Variants in ADGRB1 observed in about 807,000 individuals in gnomAD.
ADGRB1 encodes brain-specific angiogenesis inhibitor 1.
In ADGRB1, 36 loss-of-function variants were observed where a neutral mutation model predicts 175.7. That is an observed-to-expected ratio of 0.20 (90% CI 0.16 to 0.27). The LOEUF (loss-of-function observed/expected upper bound fraction) is 0.27. ADGRB1 is among the 10% of genes least tolerant of loss of function. ADGRB1 has a pLI of 1.00. For synonymous variants in ADGRB1, 1,054 were observed against 979.4 expected, an observed-to-expected ratio of 1.08 and a Z score of -1.42; for missense variants, 1,731 against 2,255.3, an observed-to-expected ratio of 0.77 and a Z score of 4.71.
Position 142,510,992 on chromosome 8 carries a change from G to T in ADGRB1, c.2736G>T (p.Val912=), listed in dbSNP as rs528274600. Residue 912 remains valine (V), a synonymous_variant, in exon 18 of 31, where the codon GTG becomes GTT. Transcript: ENST00000517894. The surrounding 1 kb of genome is among the most constrained non-coding windows in gnomAD (Gnocchi z 6.3). ...GGTCGTGGCGCGGCTGCCGCACGGT[G>T]CCCCTCGACGCCCTCCGGACGCGCT... The part of the protein sequence containing the change: ...GPWSWRGCRT[V]PLDALRTRCL... The T allele has an allele frequency of 7.5e-7, 1 of 1,324,644 alleles. No homozygotes were observed. The allele number at this position is 1,324,644 out of a possible 1,614,324, so 82.1% of individuals were successfully genotyped here.
At chr8:142,509,904 C>G (rs1842993017) in intron 17 of ADGRB1, among the ~76,000 whole-genome samples, 1 of 152,192 alleles carries the variant, frequency 6.6e-6, no homozygotes, top group African/African-American at 2.4e-5. Context: ...GGGGACTCAG[C>G]CTCAGAGAGG....
At chr8:142,476,775 T>A in intron 4 of ADGRB1, 80 bp downstream of exon 4, 1 of 1,322,788 alleles carries the variant, frequency 7.6e-7, no homozygotes, top group Non-Finnish European at 1.0e-6. Context: ...TAGTTATGGG[T>A]AGTAACTTGA....
At position 142,539,414 on chromosome 8, in the gene ADGRB1, G is replaced by A. The variant is rs1845132436; in HGVS notation, c.3706+1G>A. 1 of 1,600,970 alleles carries A rather than the reference G, an allele frequency of 6.2e-7. No homozygotes were observed. The highest frequency in any genetic ancestry group is 8.5e-7 in the Non-Finnish European group (1 of 1,174,530). ...GACGTGGATCTGGCCTGTAGATCAG[G>A]TGAGCGCCCGACAGGTGAGAGGACA... On this transcript the variant is annotated splice_donor_variant, in intron 27 of 30. Coordinates refer to ENST00000517894, the MANE Select transcript of ADGRB1 (RefSeq NM_001702.3). LOFTEE classifies it high-confidence loss of function.
chr8:142,530,809 C>G (rs56897444), intron 24 of ADGRB1, among the ~76,000 whole-genome samples: 21,390 of 152,220 alleles, frequency 0.14, 1,656 homozygotes, highest in East Asian at 0.29. Flanking sequence ...AGCCTCTCCC[C>G]GCACCCCGGG....
At chr8:142,525,077 C>A (rs931227518) in intron 23 of ADGRB1, among the ~76,000 whole-genome samples, 20 of 152,122 alleles carry the variant, frequency 1.3e-4, no homozygotes, top group Non-Finnish European at 2.5e-4. Context: ...CACACCCCAT[C>A]CTAGTGGGGA....
In ADGRB1 at chr8:142,543,593, G is replaced by T. The variant is rs377355022; in HGVS notation, c.4450-8G>T. ...GCCCAGGACTCACTGCCCAGACCCC[G>T]CCTGCAGAAGATCATGCACACCCGG... On this transcript the variant is annotated splice_polypyrimidine_tract_variant and splice_region_variant and intron_variant, in intron 29 of 30. Transcript: ENST00000517894. The surrounding 1 kb of genome is among the most constrained non-coding windows in gnomAD (Gnocchi z 4.4). 6.4e-7 allele frequency: 1 copy of T among 1,569,688 alleles called. No homozygotes were observed. The highest frequency in any genetic ancestry group is 1.2e-5 in the South Asian group (1 of 85,926).
chr8:142,520,244 ATGG>A (rs1355745027), intron 19 of ADGRB1, among the ~76,000 whole-genome samples: 30 of 87,454 alleles, frequency 3.4e-4, no homozygotes, highest in Admixed American at 2.8e-3. Context: ...GATGATGGTG[ATGG>A]TGGTGGTGAT....
intron 1 of ADGRB1, among the ~76,000 whole-genome samples, chr8:142,454,314 A>T (rs1839531928): frequency 6.6e-6 from 1 of 152,194 alleles, no homozygotes; most frequent in African/African-American, 2.4e-5. Flanking sequence ...GCAGACACCC[A>T]GAGCAGGCAC....
rs374658274 is a variant in ADGRB1 at position 142,489,008 on chromosome 8, C to T, written c.2453-27C>T. The T allele has an allele frequency of 7.7e-5, 123 of 1,606,776 alleles. 2 individuals are homozygous for T. The African/African-American group carries it at 1.0e-3, about 14-fold the overall frequency. On this transcript the variant is annotated intron_variant, in intron 14 of 30. Coordinates refer to ENST00000517894, the MANE Select transcript of ADGRB1 (RefSeq NM_001702.3). ...CACCCTGGCTGTGGGGATGGCGGGC[C>T]GGGGTTGACAGTGCACTTTCTTCCA...
At chr8:142,481,810 C>G (rs752428612) in intron 11 of ADGRB1, 99 bp downstream of exon 11, 17 of 1,073,984 alleles carry the variant, frequency 1.6e-5, no homozygotes, top group Admixed American at 2.9e-5. Context: ...GGCCACAGCC[C>G]AGGCCCTAAC....
chr8:142,543,296 G>T lies in ADGRB1; in HGVS notation c.4414-107G>T. 2 of 1,456,244 alleles carry T rather than the reference G, an allele frequency of 1.4e-6. No homozygotes were observed. The highest frequency in any genetic ancestry group is 2.5e-5 in the South Asian group (2 of 81,248). The allele number at this position is 1,456,244 out of a possible 1,614,324, so 90.2% of individuals were successfully genotyped here. A position where few individuals can be genotyped will look rare whatever the true frequency, so the allele number is the denominator to read the frequency against. ...CCTGGGTCTGGCCTGGTCCCTGAAG[G>T]CAGGCATGGGGCGAGTGAGTCCCTG... On this transcript the variant is annotated intron_variant, in intron 28 of 30. Transcript: ENST00000517894. The surrounding 1 kb of genome is among the most constrained non-coding windows in gnomAD (Gnocchi z 4.4).
chr8:142,469,082 C>T (rs1356874496), intron 2 of ADGRB1, among the ~76,000 whole-genome samples: 3 of 152,256 alleles, frequency 2.0e-5, no homozygotes, highest in Non-Finnish European at 1.5e-5. Flanking sequence ...ACGCTGCCAT[C>T]GAGTGGTAAC....
intron 24 of ADGRB1, among the ~76,000 whole-genome samples, chr8:142,528,752 G>T (rs910824607): frequency 6.6e-6 from 1 of 152,112 alleles, no homozygotes; most frequent in East Asian, 1.9e-4. Flanking sequence ...CTTTTCTACC[G>T]TCCACTCTGG....
At chr8:142,536,505 T>A (rs1025637865) in intron 25 of ADGRB1, among the ~76,000 whole-genome samples, 2 of 152,134 alleles carry the variant, frequency 1.3e-5, no homozygotes, top group African/African-American at 2.4e-5. Context: ...GACAGAGTGC[T>A]GTTCCCAGTG....
At chr8:142,486,064 T>C (rs1841652983) in intron 13 of ADGRB1, among the ~76,000 whole-genome samples, 2 of 152,286 alleles carry the variant, frequency 1.3e-5, no homozygotes, top group South Asian at 4.1e-4. Context: ...GGGGATTCAA[T>C]TTCCAACACG....
intron 15 of ADGRB1, 104 bp downstream of exon 15, chr8:142,489,214 G>T (rs1435610461): frequency 4.5e-6 from 7 of 1,545,616 alleles, no homozygotes; most frequent in Admixed American, 1.8e-5. Context: ...CTGGAGGAGT[G>T]TGGATGATGG....
intron 1 of ADGRB1, among the ~76,000 whole-genome samples, chr8:142,452,244 C>G (rs1839394928): frequency 6.6e-6 from 1 of 152,208 alleles, no homozygotes; most frequent in African/African-American, 2.4e-5. Context: ...GGCTGAGGGC[C>G]GAGCCGCGAA....
intron 17 of ADGRB1, among the ~76,000 whole-genome samples, chr8:142,494,649 C>T (rs993005578): frequency 1.3e-4 from 20 of 151,838 alleles, no homozygotes; most frequent in African/African-American, 4.8e-4. Flanking sequence ...TCTGCTCATG[C>T]TCTGTAAACC....
In ADGRB1 at chr8:142,464,072, C is replaced by G; in HGVS notation, c.-127C>G. Reference sequence around the variant, plus strand: ...CACCTGAAGCGGGGCCCTCTCCCATCCCACCCTTGCCCCGCCTCCCTGCCC... The same window carrying G: ...CACCTGAAGCGGGGCCCTCTCCCATGCCACCCTTGCCCCGCCTCCCTGCCC... On this transcript the variant is annotated 5_prime_UTR_variant, in exon 2 of 31. It adds an upstream start codon to the 5' untranslated region. Transcript: ENST00000517894. 4.8e-5 allele frequency: 18 copies of G among 372,760 alleles called. No homozygotes were observed. The highest frequency in any genetic ancestry group is 1.6e-4 in the East Asian group (2 of 12,586). The allele number at this position is 372,760 out of a possible 1,614,324, so 23.1% of individuals were successfully genotyped here.
Sources: gnomAD v4.1 joint callset for allele counts (sites outside exome capture counted in the v4.1 genomes callset) on GRCh38, gnomAD v4.1.1 for gene constraint, Gnocchi (gnomAD v3.1) non-coding constraint, MANE v1.5 for transcripts, NCBI Gene and HGNC (gene_info 2026-07-23, HGNC 2026-07-21) for gene names.